Variants in RHBG observed in about 807,000 individuals in gnomAD.
The protein encoded by RHBG is Rh family B glycoprotein, also known as ammonium transporter Rh type B.
A neutral mutation model predicts 40.1 loss-of-function variants in RHBG; 39 were observed. The ratio of observed to expected loss-of-function variants is 0.97; its 90% CI spans 0.75 to 1.27. The LOEUF (loss-of-function observed/expected upper bound fraction) is 1.27, where lower values mean the gene tolerates loss of function less well. Ranked by LOEUF, RHBG falls within the 50% of genes most tolerant of loss-of-function variation. RHBG has a pLI of 0.00. For synonymous variants in RHBG, 237 were observed against 252.5 expected, an observed-to-expected ratio of 0.94 and a Z score of 0.58; for missense variants, 549 against 588.1, an observed-to-expected ratio of 0.93 and a Z score of 0.69.
intron 8 of RHBG, among the ~76,000 whole-genome samples, chr1:156,383,807 G>A (rs1274255081): frequency 2.0e-5 from 3 of 150,568 alleles, no homozygotes; most frequent in Non-Finnish European, 2.9e-5. Context: ...GATTACAGGC[G>A]TGAGCCACTG....
rs756032351 is a variant in RHBG at position 156,381,928 on chromosome 1, G to A, written c.963G>A (p.Gly321=). The part of the protein sequence containing the change: ...GFLAGTVSTL[G]YKFFTPILES... ...TGGCTGGGACTGTCTCCACGCTGGGGTACAAGTTCTTCACGGTATAGATGC... is the reference window on the plus strand; with the variant it reads ...TGGCTGGGACTGTCTCCACGCTGGGATACAAGTTCTTCACGGTATAGATGC... The change falls in exon 6 of 10, where the codon GGG becomes GGA. Residue 321 remains glycine, a synonymous_variant. Coordinates refer to ENST00000537040, the MANE Select transcript of RHBG (RefSeq NM_020407.5). 37 of 1,611,822 alleles carry A rather than the reference G, an allele frequency of 2.3e-5. No homozygotes were observed. Among genetic ancestry groups the A allele is most frequent in the Non-Finnish European group, 2.9e-5 (34 of 1,179,578 alleles).
chr1:156,380,229 GC>G (rs1156999342), intron 4 of RHBG, among the ~76,000 whole-genome samples: 1 of 149,926 alleles, frequency 6.7e-6, no homozygotes, highest in Non-Finnish European at 1.5e-5. Flanking sequence ...TCCTGCCTCA[GC>G]CTCCTGAGGA....
intron 1 of RHBG, among the ~76,000 whole-genome samples, chr1:156,370,774 C>G (rs749048922): frequency 6.6e-6 from 1 of 152,028 alleles, no homozygotes; most frequent in Non-Finnish European, 1.5e-5. Flanking sequence ...GAGTTGTTCA[C>G]GATCACCCAT....
intron 4 of RHBG, 124 bp from the exon 5 acceptor site, chr1:156,381,223 C>A: frequency 1.0e-6 from 1 of 995,522 alleles, no homozygotes; most frequent in South Asian, 1.4e-5. Context: ...TATTATCAAT[C>A]CCACTGAACA....
In RHBG at chr1:156,382,114, A is replaced by G; in HGVS notation, c.1025A>G (p.His342Arg). 6.2e-7 allele frequency: 1 copy of G among 1,613,874 alleles called. No homozygotes were observed. Among genetic ancestry groups the G allele is most frequent in the Middle Eastern group, 1.7e-4 (1 of 6,060 alleles). The stretch of plus-strand genomic sequence containing the variant: ...AAAGTCCAAGACACATGTGGAGTCC[A>G]CAACCTCCATGGGATGCCGGGGGTC... ...KFKVQDTCGV[H>R]NLHGMPGVLG... Residue 342 changes from histidine (H) to arginine (R), a missense_variant, in exon 7 of 10, where the codon CAC becomes CGC. By Grantham distance (29) the His-to-Arg change is conservative. Coordinates refer to ENST00000537040, the MANE Select transcript of RHBG (RefSeq NM_020407.5).
At chr1:156,384,667 G>C in intron 9 of RHBG, 67 bp downstream of exon 9, 1 of 1,543,800 alleles carries the variant, frequency 6.5e-7, no homozygotes, top group Non-Finnish European at 8.8e-7. Flanking sequence ...TGTGGCCCAA[G>C]TTGCCTTCTT....
intron 7 of RHBG, 83 bp downstream of exon 7, chr1:156,382,284 A>T: frequency 6.3e-7 from 1 of 1,589,440 alleles, no homozygotes; most frequent in Non-Finnish European, 8.6e-7. Context: ...TGTGACCAAG[A>T]AAAAAGAATG....
At chr1:156,382,585 G>A (rs1422523037) in intron 7 of RHBG, 163 bp from the exon 8 acceptor site, 5 of 849,382 alleles carry the variant, frequency 5.9e-6, no homozygotes, top group Non-Finnish European at 7.5e-6. Context: ...CCTGGCTTGA[G>A]CAGTGGCCTG....
intron 7 of RHBG, 76 bp from the exon 8 acceptor site, chr1:156,382,672 C>T: frequency 6.4e-7 from 1 of 1,564,042 alleles, no homozygotes; most frequent in Non-Finnish European, 8.7e-7. Flanking sequence ...GTTCCAGTGC[C>T]ATGAGCAGCC....
rs771777242 is a variant in RHBG at position 156,377,428 on chromosome 1, A to T, written c.315A>T (p.Thr105=). 6.2e-7 allele frequency: 1 copy of T among 1,614,100 alleles called. No homozygotes were observed. The highest frequency in any genetic ancestry group is 8.5e-7 in the Non-Finnish European group (1 of 1,179,988). Reference sequence around the variant, plus strand: ...CCGCCTTTGCCCTGCAGTGGTCCACACTGGTCCAGGGCTTTCTCCACTCCT... The same window carrying T: ...CCGCCTTTGCCCTGCAGTGGTCCACTCTGGTCCAGGGCTTTCTCCACTCCT... The part of the protein sequence containing the change: ...LLAAFALQWS[T]LVQGFLHSFH... Residue 105 remains threonine (T), a synonymous_variant, in exon 2 of 10, where the codon ACA becomes ACT. Transcript: ENST00000537040. The surrounding 1 kb of genome is among the most constrained non-coding windows in gnomAD (Gnocchi z 4.6).
Position 156,382,736 on chromosome 1 carries a change from G to T in RHBG, c.1113-12G>T, listed in dbSNP as rs188834600. 6.2e-7 allele frequency: 1 copy of T among 1,613,840 alleles called. No homozygotes were observed. The highest frequency in any genetic ancestry group is 8.5e-7 in the Non-Finnish European group (1 of 1,179,942). ...CCTACCCCTGCCTTTCCTCTATCTG[G>T]TCTCCCTGCAGCCTGGAGAGTGTGT... On this transcript the variant is annotated splice_polypyrimidine_tract_variant and intron_variant, in intron 7 of 9. Coordinates refer to ENST00000537040, the MANE Select transcript of RHBG (RefSeq NM_020407.5).
rs1287986525 is a variant in RHBG at position 156,382,741 on chromosome 1, C to T, written c.1113-7C>T. On this transcript the variant is annotated splice_polypyrimidine_tract_variant and splice_region_variant and intron_variant, in intron 7 of 9. Coordinates refer to ENST00000537040, the MANE Select transcript of RHBG (RefSeq NM_020407.5). ...CCCTGCCTTTCCTCTATCTGGTCTC[C>T]CTGCAGCCTGGAGAGTGTGTTTCCA... 6.2e-7 allele frequency: 1 copy of T among 1,614,034 alleles called. No homozygotes were observed. Among genetic ancestry groups the T allele is most frequent in the Admixed American group, 1.7e-5 (1 of 60,026 alleles).
In RHBG at chr1:156,377,989, G is replaced by C; in HGVS notation, c.375-1G>C. On this transcript the variant is annotated splice_acceptor_variant, in intron 2 of 9. Coordinates refer to ENST00000537040, the MANE Select transcript of RHBG (RefSeq NM_020407.5). LOFTEE classifies it high-confidence loss of function. The surrounding 1 kb of genome is among the most constrained non-coding windows in gnomAD (Gnocchi z 4.6). The stretch of plus-strand genomic sequence containing the variant: ...TGCTCCCACTTCTGCCCCATCCCCA[G>C]CATGATCAATGCTGACTTTTGTGCG... 3 of 1,536,228 alleles carry C rather than the reference G, an allele frequency of 2.0e-6. No homozygotes were observed. Among genetic ancestry groups the C allele is most frequent in the South Asian group, 1.3e-5 (1 of 78,324 alleles).
At chr1:156,379,061 C>T (rs1667435096) in intron 4 of RHBG, among the ~76,000 whole-genome samples, 1 of 150,318 alleles carries the variant, frequency 6.7e-6, no homozygotes, top group Non-Finnish European at 1.5e-5. Context: ...GTGGTGCGAT[C>T]TCAGCTCACC....
rs1667633905 is a variant in RHBG at position 156,381,468 on chromosome 1, C to A, written c.795C>A (p.Thr265=). Reference sequence around the variant, plus strand: ...CCCTGGCTGCCAGCACCCTTGGCACCTTTGCCTTGTCAGCCCTTGTAGGGG... The same window carrying A: ...CCCTGGCTGCCAGCACCCTTGGCACATTTGCCTTGTCAGCCCTTGTAGGGG... The part of the protein sequence containing the change: ...YYSLAASTLG[T]FALSALVGED... Residue 265 remains threonine, a synonymous_variant, in exon 5 of 10, where the codon ACC becomes ACA. Coordinates refer to ENST00000537040, the MANE Select transcript of RHBG (RefSeq NM_020407.5). 1 of 1,613,834 alleles carries A rather than the reference C, an allele frequency of 6.2e-7. No homozygotes were observed. Among genetic ancestry groups the A allele is most frequent in the Non-Finnish European group, 8.5e-7 (1 of 1,179,808 alleles).
chr1:156,381,587 A>T (rs41266151), intron 5 of RHBG, 74 bp downstream of exon 5: 24 of 1,508,742 alleles, frequency 1.6e-5, no homozygotes, highest in Non-Finnish European at 2.0e-5. Context: ...GACCCTCAAG[A>T]AAGATTCTCC....
At chr1:156,376,748 G>A (rs184290646) in intron 1 of RHBG, among the ~76,000 whole-genome samples, 18 of 152,332 alleles carry the variant, frequency 1.2e-4, no homozygotes, top group Admixed American at 7.8e-4. Flanking sequence ...TGGGAGGACT[G>A]GCTGAGTACA....
Position 156,382,221 on chromosome 1 carries a change from G to A in RHBG, c.1112+20G>A, listed in dbSNP as rs752640. 38,774 of 1,613,862 alleles carry A rather than the reference G, an allele frequency of 0.024. 2,122 individuals are homozygous for A. Among genetic ancestry groups the A allele is most frequent in the African/African-American group, 0.22 (16,195 of 74,884 alleles). On this transcript the variant is annotated intron_variant, in intron 7 of 9. Coordinates refer to ENST00000537040, the MANE Select transcript of RHBG (RefSeq NM_020407.5). ...AGATGGGTGAGTTTCCTCCCAACCC[G>A]TACTGCAGTCGTCATCCATCTGGAA...
At chr1:156,378,844 C>T (rs1667416029) in intron 4 of RHBG, among the ~76,000 whole-genome samples, 2 of 152,150 alleles carry the variant, frequency 1.3e-5, no homozygotes, top group African/African-American at 4.8e-5. Flanking sequence ...CCTTCCGCCT[C>T]CTAAGGATAT....
Sources: allele counts gnomAD v4.1 joint callset (sites outside exome capture counted in the v4.1 genomes callset), GRCh38; gene constraint gnomAD v4.1.1; non-coding constraint Gnocchi (gnomAD v3.1); transcripts MANE v1.5; gene names NCBI Gene and HGNC (gene_info 2026-07-23, HGNC 2026-07-21).